The following CACNA1C variants were observed in gnomAD, a reference collection of about 807,000 sequenced individuals.
CACNA1C encodes the protein calcium voltage-gated channel subunit alpha1 C.
CACNA1C carries 30 observed loss-of-function variants against 229.0 expected under a neutral mutation model. The ratio of observed to expected loss-of-function variants is 0.13; its 90% CI spans 0.10 to 0.18. CACNA1C has a LOEUF of 0.18. Among genes scored for constraint, CACNA1C ranks in the 10% least tolerant of loss-of-function variants. The pLI, the probability that CACNA1C is intolerant of heterozygous loss-of-function variation, is 1.00. For synonymous variants in CACNA1C, 1,114 were observed against 1,132.5 expected, an observed-to-expected ratio of 0.98 and a Z score of 0.33; for missense variants, 1,658 against 2,845.0, an observed-to-expected ratio of 0.58 and a Z score of 9.49.
At chr12:2,497,635 T>G (rs1186928481) in intron 7 of CACNA1C, among the ~76,000 whole-genome samples, 1 of 152,176 alleles carries the variant, frequency 6.6e-6, no homozygotes, top group African/African-American at 2.4e-5. Flanking sequence ...TCCCATCCTA[T>G]TGGGACCACC....
At position 2,654,244 on chromosome 12, in the gene CACNA1C, G is replaced by A. The variant is rs971121872; in HGVS notation, c.4140+344G>A. Among the ~76,000 whole-genome samples, 1 of 152,200 alleles carries A rather than the reference G, an allele frequency of 6.6e-6. No individual in the cohort carries two copies. The highest frequency in any genetic ancestry group is 1.5e-5 in the Non-Finnish European group (1 of 68,040). ...CCCCTTCTCAAGAAACAGCAGCAAGGTGTGTCTGTTTGTGTCCAGCACCCC... is the reference window on the plus strand; with the variant it reads ...CCCCTTCTCAAGAAACAGCAGCAAGATGTGTCTGTTTGTGTCCAGCACCCC... On this transcript the variant is annotated intron_variant, in intron 33 of 46. Coordinates refer to ENST00000399655, the MANE Select transcript of CACNA1C (RefSeq NM_000719.7). The surrounding 1 kb of genome is among the most constrained non-coding windows in gnomAD (Gnocchi z 4.4).
chr12:2,317,849 G>A (rs771490138), intron 3 of CACNA1C, among the ~76,000 whole-genome samples: 4 of 152,172 alleles, frequency 2.6e-5, no homozygotes, highest in African/African-American at 7.2e-5. Context: ...AGGAAACGGC[G>A]CCATCTCCTT....
intron 3 of CACNA1C, among the ~76,000 whole-genome samples, chr12:2,235,148 T>G (rs1211101767): frequency 1.3e-5 from 2 of 152,222 alleles, no homozygotes; most frequent in Non-Finnish European, 2.9e-5. Flanking sequence ...TCCCAGCCCC[T>G]TCGGCCTGCT....
rs2067459466 is a variant in CACNA1C, at chr12:2,595,070, C to T, written c.2664-804C>T. 6.6e-6 allele frequency among the ~76,000 whole-genome samples: 1 copy of T among 152,278 alleles called. No homozygotes were observed. The highest frequency in any genetic ancestry group is 3.4e-3 in the Middle Eastern group (1 of 294). On this transcript the variant is annotated intron_variant, in intron 19 of 46. Transcript: ENST00000399655. This position sits in a 1 kb window ranked among gnomAD's most constrained non-coding sequence, Gnocchi z 4.1. Reference sequence around the variant, plus strand: ...CAGCCATCTCCTAACTCTTATAAACCAGAATTGTCTGAGAGAGTTTGGCCC... The same window carrying T: ...CAGCCATCTCCTAACTCTTATAAACTAGAATTGTCTGAGAGAGTTTGGCCC...
intron 1 of CACNA1C, among the ~76,000 whole-genome samples, chr12:2,063,601 A>G (rs1444033674): frequency 6.6e-6 from 1 of 152,220 alleles, no homozygotes; most frequent in Non-Finnish European, 1.5e-5. Flanking sequence ...GCTGGCTGTC[A>G]TTTGGAGGTG....
Position 2,679,808 on chromosome 12 carries a change from G to A in CACNA1C, c.5444+12G>A. The A allele has an allele frequency of 6.5e-7, 1 of 1,534,916 alleles. No individual in the cohort carries two copies. Among genetic ancestry groups the A allele is most frequent in the Non-Finnish European group, 8.8e-7 (1 of 1,133,098 alleles). ...CTCAGCTCCAACAGGTAAGTGGGAG[G>A]CTGGCCACCCCAGGCGGCACACAGG... On this transcript the variant is annotated intron_variant, in intron 42 of 46. Coordinates refer to ENST00000399655, the MANE Select transcript of CACNA1C (RefSeq NM_000719.7). The surrounding 1 kb of genome is among the most constrained non-coding windows in gnomAD (Gnocchi z 5.5).
intron 29 of CACNA1C, among the ~76,000 whole-genome samples, chr12:2,631,956 G>A (rs1000245851): frequency 1.3e-5 from 2 of 152,154 alleles, no homozygotes; most frequent in African/African-American, 4.8e-5. Context: ...AGAGCTGGGA[G>A]GAAAGGGAAG....
At chr12:2,308,958 A>G (rs2095262777) in intron 3 of CACNA1C, among the ~76,000 whole-genome samples, 2 of 152,156 alleles carry the variant, frequency 1.3e-5, no homozygotes, top group South Asian at 4.2e-4. Context: ...TGAAAATAGA[A>G]CTAACCATAG....
intron 10 of CACNA1C, among the ~76,000 whole-genome samples, chr12:2,554,642 G>A (rs907932635): frequency 3.9e-5 from 6 of 152,174 alleles, no homozygotes; most frequent in Non-Finnish European, 5.9e-5. Context: ...CCTGGCTTGC[G>A]TCCTCTCACT....
chr12:2,419,870 G>A (rs1039983884), intron 3 of CACNA1C, among the ~76,000 whole-genome samples: 1 of 152,104 alleles, frequency 6.6e-6, no homozygotes, highest in African/African-American at 2.4e-5. Flanking sequence ...AGGCTGGATG[G>A]GGGCTTCATA....
chr12:2,672,493 C>T (rs1201315350), intron 38 of CACNA1C, among the ~76,000 whole-genome samples: 2 of 152,326 alleles, frequency 1.3e-5, no homozygotes, highest in East Asian at 3.9e-4. Context: ...AAGGTGTCAG[C>T]AGAGTTGGTT....
Position 2,178,545 on chromosome 12 carries a change from G to A in CACNA1C, c.477+58115G>A, listed in dbSNP as rs544968115. ...CTGTGTCTGGAGAGCTGGTCGCTAA[G>A]ACCTGGAGTCTGGGCCCCTTGTGGG... On this transcript the variant is annotated intron_variant, in intron 3 of 46. Coordinates refer to ENST00000399655, the MANE Select transcript of CACNA1C (RefSeq NM_000719.7). 3.3e-5 allele frequency among the ~76,000 whole-genome samples: 5 copies of A among 152,338 alleles called. No homozygotes were observed. The East Asian group carries it at 7.7e-4, about 24-fold the overall frequency.
At chr12:2,008,512 A>G (rs753529459) in intron 1 of CACNA1C, among the ~76,000 whole-genome samples, 1 of 151,370 alleles carries the variant, frequency 6.6e-6, no homozygotes, top group Non-Finnish European at 1.5e-5. Context: ...TGCCTTGTAC[A>G]TAATAGAGAT....
chr12:2,680,598 A>C, intron 42 of CACNA1C: 6 of 1,541,956 alleles, frequency 3.9e-6, no homozygotes, highest in Non-Finnish European at 5.3e-6. Flanking sequence ...CTCGCCCTCC[A>C]GCTCAGAAAA....
intron 3 of CACNA1C, among the ~76,000 whole-genome samples, chr12:2,230,433 G>A (rs1599896190): frequency 6.6e-6 from 1 of 152,360 alleles, no homozygotes. Context: ...CTCTGCCGGC[G>A]AGGAACTCTC....
intron 39 of CACNA1C, among the ~76,000 whole-genome samples, chr12:2,675,786 G>A (rs1334747676): frequency 6.6e-6 from 1 of 152,186 alleles, no homozygotes; most frequent in African/African-American, 2.4e-5. Context: ...GAGCCATGCA[G>A]AGTGCAAAGC....
At chr12:2,234,536 C>T (rs2066572602) in intron 3 of CACNA1C, among the ~76,000 whole-genome samples, 1 of 152,154 alleles carries the variant, frequency 6.6e-6, no homozygotes, top group African/African-American at 2.4e-5. Context: ...TATGCAGGCT[C>T]CTCAACAGCC....
intron 3 of CACNA1C, among the ~76,000 whole-genome samples, chr12:2,139,624 TG>T (rs1483567548): frequency 6.6e-6 from 1 of 151,130 alleles, no homozygotes; most frequent in African/African-American, 2.4e-5. Flanking sequence ...CCAGACAGGG[TG>T]GGCTTCTGTA....
At position 2,664,639 on chromosome 12, in the gene CACNA1C, T is replaced by G. The variant is rs369953024; in HGVS notation, c.4233-186T>G. The stretch of plus-strand genomic sequence containing the variant: ...CAATTTGTTACTGTTTATATAAAAT[T>G]TTAATAATGCTATGTGTTTCATATT... On this transcript the variant is annotated intron_variant, in intron 34 of 46. Transcript: ENST00000399655. Among the ~76,000 whole-genome samples the G allele has an allele frequency of 9.8e-5, 15 of 152,330 alleles. No homozygotes were observed. The South Asian group carries it at 3.1e-3, about 32-fold the overall frequency.
Sources: allele counts gnomAD v4.1 joint callset (sites outside exome capture counted in the v4.1 genomes callset), GRCh38; gene constraint gnomAD v4.1.1; non-coding constraint Gnocchi (gnomAD v3.1); transcripts MANE v1.5; gene names NCBI Gene and HGNC (gene_info 2026-07-23, HGNC 2026-07-21).